The following SUCLG2 variants were observed in gnomAD, a reference collection of about 807,000 sequenced individuals.
The protein encoded by SUCLG2 is succinate--CoA ligase [GDP-forming] subunit beta, mitochondrial.
In SUCLG2, 42 loss-of-function variants were observed where a neutral mutation model predicts 47.9. That is an observed-to-expected ratio of 0.88 (90% confidence interval 0.69 to 1.14). SUCLG2 has a LOEUF of 1.14. SUCLG2 is among the 50% of genes most tolerant of loss of function. The pLI, the probability that SUCLG2 is intolerant of heterozygous loss-of-function variation, is 0.00. For missense variants in SUCLG2, 571 were observed against 525.9 expected (o/e 1.09, Z -0.84); for synonymous variants, 195 against 197.3 (o/e 0.99, Z 0.10).
chr3:67,425,761 T>A (rs1559521448), intron 9 of SUCLG2, among the ~76,000 whole-genome samples: 1 of 152,180 alleles, frequency 6.6e-6, no homozygotes, highest in South Asian at 2.1e-4. Context: ...CAATACCTTA[T>A]AATAAATCTC....
chr3:67,437,157 G>A (rs76292464), intron 9 of SUCLG2, among the ~76,000 whole-genome samples: 3 of 152,120 alleles, frequency 2.0e-5, no homozygotes, highest in African/African-American at 7.2e-5. Context: ...TAAACAGAGA[G>A]AGCAAGCAGC....
chr3:67,592,405 T>A (rs771296397), intron 2 of SUCLG2, among the ~76,000 whole-genome samples: 2 of 152,206 alleles, frequency 1.3e-5, no homozygotes, highest in African/African-American at 4.8e-5. Flanking sequence ...GAAGATCTTA[T>A]TGATAAGACC....
In SUCLG2 at chr3:67,406,138, C is replaced by T. The variant is rs1312505371; in HGVS notation, c.1063-5287G>A. ...GAAAACCAAGACTCAGAGGTAGAAA[C>T]AAATTGTGCCAAATTAGGCAGCCTG... On this transcript the variant is annotated intron_variant, in intron 9 of 10. Coordinates refer to ENST00000307227, the MANE Select transcript of SUCLG2 (RefSeq NM_003848.4). 3.9e-5 allele frequency among the ~76,000 whole-genome samples: 6 copies of T among 152,282 alleles called. No individual in the cohort carries two copies. In the East Asian group the frequency reaches 1.2e-3, roughly 29 times the overall value.
intron 4 of SUCLG2, among the ~76,000 whole-genome samples, chr3:67,522,503 A>ATAAG (rs1706135273): frequency 6.6e-6 from 1 of 152,062 alleles, no homozygotes; most frequent in Non-Finnish European, 1.5e-5. Context: ...TAAAATGTTG[A>ATAAG]TAAGTACTGT....
At chr3:67,654,103 T>A (rs1242586311) in intron 1 of SUCLG2, among the ~76,000 whole-genome samples, 1 of 152,228 alleles carries the variant, frequency 6.6e-6, no homozygotes, top group African/African-American at 2.4e-5. Context: ...GGTCTAAACG[T>A]GCTCAGGGTT....
chr3:67,585,195 A>G (rs781677257), intron 2 of SUCLG2, among the ~76,000 whole-genome samples: 2 of 152,150 alleles, frequency 1.3e-5, no homozygotes, highest in Non-Finnish European at 2.9e-5. Flanking sequence ...ATTTCACCTC[A>G]TGTCCCACAG....
intron 9 of SUCLG2, among the ~76,000 whole-genome samples, chr3:67,477,683 A>C (rs1371826324): frequency 6.6e-6 from 1 of 152,190 alleles, no homozygotes; most frequent in Non-Finnish European, 1.5e-5. Context: ...TGACAGAGCA[A>C]GACTCTGTCT....
At chr3:67,608,720 C>T (rs1490269667) in intron 2 of SUCLG2, among the ~76,000 whole-genome samples, 1 of 151,428 alleles carries the variant, frequency 6.6e-6, no homozygotes, top group Non-Finnish European at 1.5e-5. Flanking sequence ...CTCTGGCGCC[C>T]AGGCTAGAGT....
intron 10 of SUCLG2, among the ~76,000 whole-genome samples, chr3:67,391,573 T>C (rs973704081): frequency 2.6e-5 from 4 of 152,174 alleles, no homozygotes; most frequent in African/African-American, 4.8e-5. Flanking sequence ...AGAGCAGTAA[T>C]AATGCCTTTA....
intron 9 of SUCLG2, among the ~76,000 whole-genome samples, chr3:67,487,240 T>A (rs1331289047): frequency 6.6e-6 from 1 of 152,170 alleles, no homozygotes; most frequent in African/African-American, 2.4e-5. Flanking sequence ...TACCATGGTA[T>A]GTTGATTCAT....
chr3:67,600,425 T>C (rs1168210155), intron 2 of SUCLG2, among the ~76,000 whole-genome samples: 1 of 152,226 alleles, frequency 6.6e-6, no homozygotes, highest in Non-Finnish European at 1.5e-5. Flanking sequence ...ATCTCAATCA[T>C]TCCTTGAAGT....
intron 9 of SUCLG2, among the ~76,000 whole-genome samples, chr3:67,472,350 C>G (rs1575719443): frequency 6.6e-6 from 1 of 152,212 alleles, no homozygotes; most frequent in African/African-American, 2.4e-5. Context: ...CTGTAGCAAC[C>G]ACAAAGTGTC....
chr3:67,366,667 C>T (rs1441785552), intron 10 of SUCLG2, among the ~76,000 whole-genome samples: 1 of 152,118 alleles, frequency 6.6e-6, no homozygotes, highest in Non-Finnish European at 1.5e-5. Flanking sequence ...TGAAGCTCAC[C>T]AGCCATATTT....
At chr3:67,632,450 T>C (rs1302454698) in intron 1 of SUCLG2, among the ~76,000 whole-genome samples, 1 of 152,110 alleles carries the variant, frequency 6.6e-6, no homozygotes, top group Non-Finnish European at 1.5e-5. Context: ...CCCAAAGTAC[T>C]GAGATTAAAG....
rs1397024511 is a variant in SUCLG2 at position 67,508,785 on chromosome 3, CTCAAT to C, written c.757+17_757+21del. On this transcript the variant is annotated intron_variant, in intron 7 of 10. Transcript: ENST00000307227. ...TAATTATAATACATTCATTTGTTTT[CTCAAT>C]TCTTTTTTTTTTTTACCTTGTCCTT... 3 of 1,507,700 alleles carry C rather than the reference CTCAAT, an allele frequency of 2.0e-6. No homozygotes were observed. The highest frequency in any genetic ancestry group is 2.7e-6 in the Non-Finnish European group (3 of 1,100,196). 93.4% of individuals were successfully genotyped at this position (1,507,700 alleles called of 1,614,324 possible). A position where few individuals can be genotyped will look rare whatever the true frequency, so the allele number is the denominator to read the frequency against.
At chr3:67,396,933 C>T (rs1702544461) in intron 10 of SUCLG2, among the ~76,000 whole-genome samples, 1 of 152,026 alleles carries the variant, frequency 6.6e-6, no homozygotes, top group Non-Finnish European at 1.5e-5. Context: ...ACATGATTAT[C>T]TCAATAGATG....
At chr3:67,539,355 T>C (rs565853690) in intron 2 of SUCLG2, among the ~76,000 whole-genome samples, 91 of 152,290 alleles carry the variant, frequency 6.0e-4, no homozygotes, top group African/African-American at 2.0e-3. Context: ...ATGTGATGGA[T>C]TATGTTAATT....
At chr3:67,371,384 A>G (rs1701950667), downstream of SUCLG2, among the ~76,000 whole-genome samples, 2 of 152,256 alleles carry the variant, frequency 1.3e-5, no homozygotes, top group South Asian at 4.1e-4. Flanking sequence ...GAAGAAGGGT[A>G]AAGGCTGCAC....
At chr3:67,500,089 C>T (rs1705456437) in intron 7 of SUCLG2, among the ~76,000 whole-genome samples, 2 of 152,162 alleles carry the variant, frequency 1.3e-5, no homozygotes, top group Non-Finnish European at 2.9e-5. Flanking sequence ...CAATAATTTA[C>T]AGATACTACC....
Sources: gnomAD v4.1 joint callset for allele counts (sites outside exome capture counted in the v4.1 genomes callset) on GRCh38, gnomAD v4.1.1 for gene constraint, MANE v1.5 for transcripts, NCBI Gene and HGNC (gene_info 2026-07-23, HGNC 2026-07-21) for gene names.